KLHL6: variants seen among roughly 807,000 people sequenced by gnomAD.
KLHL6 encodes the protein kelch like family member 6.
In KLHL6, 41 loss-of-function variants were observed where a neutral mutation model predicts 58.6. The observed-to-expected ratio is 0.70, with a 90% CI of 0.55 to 0.91. The LOEUF (loss-of-function observed/expected upper bound fraction) is 0.91, where lower values mean the gene tolerates loss of function less well. Among genes scored for constraint, KLHL6 ranks in the 40% least tolerant of loss-of-function variants. KLHL6 has a pLI of 0.00. For synonymous variants in KLHL6, 338 were observed against 322.7 expected (o/e 1.05, Z -0.51); for missense variants, 714 against 805.6 (o/e 0.89, Z 1.38).
intron 2 of KLHL6, among the ~76,000 whole-genome samples, chr3:183,524,054 C>T (rs549179269): frequency 6.6e-6 from 1 of 152,302 alleles, no homozygotes; most frequent in South Asian, 2.1e-4. Context: ...AGCCACTGTG[C>T]CCGGCCTCAT....
At chr3:183,555,174 A>G (rs1713064356) in intron 1 of KLHL6, among the ~76,000 whole-genome samples, 187 bp downstream of exon 1, 1 of 152,178 alleles carries the variant, frequency 6.6e-6, no homozygotes, top group African/African-American at 2.4e-5. Flanking sequence ...TCAAAAATAA[A>G]TAAATAAATA....
Position 183,493,625 on chromosome 3 carries a change from T to C in KLHL6, c.1350+454A>G, listed in dbSNP as rs77370402. The C allele has an allele frequency of 7.8e-4, 129 of 166,164 alleles. 1 individual carries two copies. The East Asian group carries it at 0.018, about 23-fold the overall frequency. The allele number at this position is 166,164 out of a possible 1,614,324, so 10.3% of individuals were successfully genotyped here. A position where few individuals can be genotyped will look rare whatever the true frequency, so the allele number is the denominator to read the frequency against. On this transcript the variant is annotated intron_variant, in intron 5 of 6. Transcript: ENST00000341319. ...ATGCAGGCCTGTAAGTGGCTCATCA[T>C]CCATGGGAAAATAAAGAAGGGATGA...
At chr3:183,514,303 T>C (rs1560098976) in intron 2 of KLHL6, among the ~76,000 whole-genome samples, 1 of 152,070 alleles carries the variant, frequency 6.6e-6, no homozygotes, top group Non-Finnish European at 1.5e-5. Context: ...CCTTCAATCT[T>C]CCACAATCTG....
At chr3:183,550,406 G>A (rs950417424) in intron 1 of KLHL6, among the ~76,000 whole-genome samples, 57 of 152,186 alleles carry the variant, frequency 3.7e-4, no homozygotes, top group African/African-American at 1.3e-3. Flanking sequence ...TAGCATAATG[G>A]TTGGAGTAAA....
In KLHL6 at chr3:183,493,601, T is replaced by C. The variant is rs550069558; in HGVS notation, c.1350+478A>G. ...GAGGTTGCATTACTAAAGTCTGACATGCAGGCCTGTAAGTGGCTCATCATC... is the reference window on the plus strand; with the variant it reads ...GAGGTTGCATTACTAAAGTCTGACACGCAGGCCTGTAAGTGGCTCATCATC... On this transcript the variant is annotated intron_variant, in intron 5 of 6. Transcript: ENST00000341319. The C allele has an allele frequency of 2.5e-5, 4 of 161,336 alleles. No homozygotes were observed. In the East Asian group the frequency reaches 7.2e-4, roughly 29 times the overall value. 10.0% of individuals were successfully genotyped at this position (161,336 alleles called of 1,614,324 possible).
intron 3 of KLHL6, among the ~76,000 whole-genome samples, chr3:183,505,532 A>G (rs1717976735): frequency 6.6e-6 from 1 of 152,324 alleles, no homozygotes; most frequent in South Asian, 2.1e-4. Context: ...GAAAATAATG[A>G]TCAGAGTGGA....
chr3:183,511,447 T>A (rs1014605213), intron 2 of KLHL6, among the ~76,000 whole-genome samples: 1 of 152,202 alleles, frequency 6.6e-6, no homozygotes, highest in African/African-American at 2.4e-5. Context: ...CCTTCCTCTA[T>A]CTCAACTGCA....
intron 4 of KLHL6, among the ~76,000 whole-genome samples, chr3:183,496,932 G>A (rs1717727400): frequency 6.6e-6 from 1 of 152,216 alleles, no homozygotes; most frequent in Non-Finnish European, 1.5e-5. Flanking sequence ...GAGATCAGGA[G>A]TTCAAGACTA....
chr3:183,521,733 G>T (rs1334182325), intron 2 of KLHL6: 1 of 138,666 alleles, frequency 7.2e-6, no homozygotes, highest in Non-Finnish European at 1.5e-5. Flanking sequence ...TCACTCTGTC[G>T]TCCAGGCTGG....
At chr3:183,525,675 T>G (rs530116471) in intron 2 of KLHL6, among the ~76,000 whole-genome samples, 3 of 152,220 alleles carry the variant, frequency 2.0e-5, no homozygotes, top group Admixed American at 1.3e-4. Flanking sequence ...CTCTGCCTTA[T>G]AAGAGATCAT....
rs79791931 is a variant in KLHL6, at chr3:183,512,310, G to T, written c.460-3802C>A. 9.1e-3 allele frequency among the ~76,000 whole-genome samples: 1,389 copies of T among 152,246 alleles called. 20 individuals carry two copies. Among genetic ancestry groups the T allele is most frequent in the African/African-American group, 0.032 (1,337 of 41,526 alleles). On this transcript the variant is annotated intron_variant, in intron 2 of 6. Coordinates refer to ENST00000341319, the MANE Select transcript of KLHL6 (RefSeq NM_130446.4). The stretch of plus-strand genomic sequence containing the variant: ...CTAGGAACTTAGACTACTCTGGGAG[G>T]CCACATAAGACCTGATAACAGTAGT...
At chr3:183,503,453 G>A (rs999649960) in intron 3 of KLHL6, among the ~76,000 whole-genome samples, 2 of 152,188 alleles carry the variant, frequency 1.3e-5, no homozygotes, top group East Asian at 3.9e-4. Context: ...ATTTCCTGTT[G>A]TTAACACCAG....
intron 1 of KLHL6, among the ~76,000 whole-genome samples, chr3:183,553,388 G>C (rs917576224): frequency 6.6e-6 from 1 of 152,154 alleles, no homozygotes; most frequent in South Asian, 2.1e-4. Flanking sequence ...TGATCAACTC[G>C]AGGGCACACA....
rs920326696 is a variant in KLHL6 at position 183,537,683 on chromosome 3, A to C, written c.294-9673T>G. The stretch of plus-strand genomic sequence containing the variant: ...CATGAAGTCAGGCCATGCCACAAAC[A>C]CTGCCTGGCCACACGCCTCTCCATT... On this transcript the variant is annotated intron_variant, in intron 1 of 6. Coordinates refer to ENST00000341319, the MANE Select transcript of KLHL6 (RefSeq NM_130446.4). 8.6e-5 allele frequency among the ~76,000 whole-genome samples: 13 copies of C among 152,022 alleles called. No homozygotes were observed. In the East Asian group the frequency reaches 2.5e-3, roughly 29 times the overall value.
In KLHL6 at chr3:183,553,405, G is replaced by A. The variant is rs115304683; in HGVS notation, c.293+1956C>T. ...ATCAACTCGAGGGCACACAGCCAGC[G>A]GGCCTGGTCCACAGCCAGGCCAACC... is the stretch of plus-strand genomic sequence containing the variant. On this transcript the variant is annotated intron_variant, in intron 1 of 6. Transcript: ENST00000341319. Among the ~76,000 whole-genome samples, 1,444 of 152,228 alleles carry A rather than the reference G, an allele frequency of 9.5e-3. 22 individuals are homozygous for A. The highest frequency in any genetic ancestry group is 0.033 in the African/African-American group (1,363 of 41,540).
chr3:183,497,095 T>C (rs1233080307), intron 4 of KLHL6, among the ~76,000 whole-genome samples: 1 of 152,002 alleles, frequency 6.6e-6, no homozygotes, highest in Non-Finnish European at 1.5e-5. Flanking sequence ...CCTGTCAATA[T>C]GGTGAGCCCC....
In KLHL6 at chr3:183,491,548, T is replaced by C. The variant is rs149923811; in HGVS notation, c.*379A>G. On this transcript the variant is annotated 3_prime_UTR_variant, in exon 7 of 7. Transcript: ENST00000341319. ...GGGTAGCTACTTGCTATCTGAGTGA[T>C]CAGGGGCACGCCACTTAGCCTCTGT... 21 of 186,348 alleles carry C rather than the reference T, an allele frequency of 1.1e-4. No homozygotes were observed. The highest frequency in any genetic ancestry group is 2.1e-4 in the Non-Finnish European group (19 of 91,114). The allele number at this position is 186,348 out of a possible 1,614,324, so 11.5% of individuals were successfully genotyped here.
Position 183,492,260 on chromosome 3 carries a change from G to C in KLHL6, c.1565-32C>G, listed in dbSNP as rs771248480. On this transcript the variant is annotated intron_variant, in intron 6 of 6. Coordinates refer to ENST00000341319, the MANE Select transcript of KLHL6 (RefSeq NM_130446.4). This position sits in a 1 kb window ranked among gnomAD's most constrained non-coding sequence, Gnocchi z 5.9. ...AGAGGGAGGAAACACGGTGGGCATCGCTCCATTTTTCTGGTTTCTTCCCTC... is the reference window on the plus strand; with the variant it reads ...AGAGGGAGGAAACACGGTGGGCATCCCTCCATTTTTCTGGTTTCTTCCCTC... 7 of 1,535,856 alleles carry C rather than the reference G, an allele frequency of 4.6e-6. No individual in the cohort carries two copies. Among genetic ancestry groups the C allele is most frequent in the Non-Finnish European group, 5.3e-6 (6 of 1,137,308 alleles).
Position 183,499,723 on chromosome 3 carries a change from G to C in KLHL6, c.1014C>G (p.Thr338=). 1 of 1,611,396 alleles carries C rather than the reference G, an allele frequency of 6.2e-7. No individual in the cohort carries two copies. The highest frequency in any genetic ancestry group is 2.2e-5 in the East Asian group (1 of 44,856). ...GGCTGCGCCTCAGGGGGTCCAGGCA[G>C]GTCACCTCTGCCACAAACCGTTCAT... The part of the protein sequence containing the change: ...TKDERFVAEV[T]CLDPLRRSRL... The change falls in exon 4 of 7, where the codon ACC becomes ACG. Residue 338 remains threonine (T), a synonymous_variant. Coordinates refer to ENST00000341319, the MANE Select transcript of KLHL6 (RefSeq NM_130446.4). This position sits in a 1 kb window ranked among gnomAD's most constrained non-coding sequence, Gnocchi z 4.6.
Sources: gnomAD v4.1 joint callset for allele counts (sites outside exome capture counted in the v4.1 genomes callset) on GRCh38, gnomAD v4.1.1 for gene constraint, Gnocchi (gnomAD v3.1) non-coding constraint, MANE v1.5 for transcripts, NCBI Gene and HGNC (gene_info 2026-07-23, HGNC 2026-07-21) for gene names.